The following ZZZ3 variants were observed in gnomAD, a reference collection of about 807,000 sequenced individuals.
ZZZ3 encodes ZZ-type zinc finger-containing protein 3.
A neutral mutation model predicts 95.2 loss-of-function variants in ZZZ3; 22 were observed. The ratio of observed to expected loss-of-function variants is 0.23; its 90% CI spans 0.17 to 0.33. ZZZ3 has a LOEUF of 0.33. Among genes scored for constraint, ZZZ3 ranks in the 10% least tolerant of loss-of-function variants. The pLI is 1.00. For synonymous variants in ZZZ3, 335 were observed against 358.9 expected (o/e 0.93, Z 0.75); for missense variants, 885 against 1,066.5 (o/e 0.83, Z 2.37).
intron 4 of ZZZ3, among the ~76,000 whole-genome samples, chr1:77,639,111 T>TCAGA (rs759188352): frequency 4.6e-5 from 7 of 151,764 alleles, no homozygotes; most frequent in Admixed American, 2.6e-4. Flanking sequence ...AAGCGGACAG[T>TCAGA]CAGACAGACA....
intron 1 of ZZZ3, among the ~76,000 whole-genome samples, chr1:77,647,546 A>G (rs1046024558): frequency 5.9e-5 from 9 of 152,108 alleles, no homozygotes; most frequent in Non-Finnish European, 1.2e-4. Flanking sequence ...AAAATACCCA[A>G]TAGATATAAA....
At chr1:77,584,949 G>A (rs935697749) in intron 5 of ZZZ3, 6 of 194,374 alleles carry the variant, frequency 3.1e-5, no homozygotes, top group East Asian at 2.4e-4. Flanking sequence ...AATCAAAGTC[G>A]TTAAGAAACT....
chr1:77,585,838 A>G (rs1663031230), intron 5 of ZZZ3, among the ~76,000 whole-genome samples: 1 of 152,242 alleles, frequency 6.6e-6, no homozygotes, highest in African/African-American at 2.4e-5. Context: ...TCATGGCAAC[A>G]TGATGTTCTC....
At chr1:77,589,718 C>G (rs114957875) in intron 5 of ZZZ3, among the ~76,000 whole-genome samples, 1 of 151,910 alleles carries the variant, frequency 6.6e-6, no homozygotes, top group Non-Finnish European at 1.5e-5. Flanking sequence ...CCACAGCCTC[C>G]GAAAGTGCTA....
intron 1 of ZZZ3, among the ~76,000 whole-genome samples, chr1:77,679,740 C>T (rs934964671): frequency 2.0e-5 from 3 of 152,186 alleles, no homozygotes; most frequent in South Asian, 4.1e-4. Context: ...TTTATATGAC[C>T]GTAATAATTG....
chr1:77,638,986 A>G (rs1668532293), intron 4 of ZZZ3, among the ~76,000 whole-genome samples: 1 of 152,178 alleles, frequency 6.6e-6, no homozygotes. Flanking sequence ...GAAGTCTGGG[A>G]ACTCTATTAT....
intron 1 of ZZZ3, among the ~76,000 whole-genome samples, chr1:77,676,824 A>C (rs969173459): frequency 3.9e-5 from 6 of 152,314 alleles, no homozygotes; most frequent in African/African-American, 1.4e-4. Flanking sequence ...AAAATGAGAA[A>C]AATTAAAAAA....
chr1:77,582,246 T>G, intron 6 of ZZZ3, 120 bp from the exon 7 acceptor site: 1 of 789,080 alleles, frequency 1.3e-6, no homozygotes, highest in South Asian at 2.5e-5. Context: ...GGCATTTCTA[T>G]TCATGTTTAA....
At chr1:77,588,466 T>C (rs1226418829) in intron 5 of ZZZ3, among the ~76,000 whole-genome samples, 4 of 150,018 alleles carry the variant, frequency 2.7e-5, no homozygotes, top group Admixed American at 6.6e-5. Flanking sequence ...AAAAAAAAAA[T>C]AGACTTGTTT....
intron 5 of ZZZ3, among the ~76,000 whole-genome samples, chr1:77,592,930 C>CCAT (rs1384347105): frequency 1.7e-4 from 26 of 152,242 alleles, no homozygotes; most frequent in African/African-American, 5.8e-4. Flanking sequence ...AGGTAAAGAT[C>CCAT]CACAAGAAGA....
chr1:77,632,483 T>C lies in ZZZ3; in HGVS notation c.872A>G (p.His291Arg), dbSNP rs1332214967. 3.7e-6 allele frequency: 6 copies of C among 1,614,088 alleles called. No homozygotes were observed. In the African/African-American group the frequency reaches 4.0e-5, roughly 11 times the overall value. The change falls in exon 5 of 15, where the codon CAT (histidine) becomes CGT (arginine). Residue 291 changes from histidine (H) to arginine (R), a missense_variant. By Grantham distance (29) the His-to-Arg change is conservative. This residue lies in a region of ZZZ3 where 556 missense variants were observed against 652.9 expected (regional missense o/e 0.85). Transcript: ENST00000370801. ...TGGCTCAGTAGTCAGCTGATTAACA[T>C]GTTCCACAGGCAAGCAGGCAGTTAC... ...KIVTACLPVEHVNQLTTEPAT... is the reference protein window; with the variant it reads ...KIVTACLPVERVNQLTTEPAT...
chr1:77,682,314 A>C (rs746488433), intron 1 of ZZZ3, among the ~76,000 whole-genome samples: 2 of 152,214 alleles, frequency 1.3e-5, no homozygotes, highest in African/African-American at 4.8e-5. Flanking sequence ...AAGTAAGAGG[A>C]ACGGTATCCA....
intron 1 of ZZZ3, among the ~76,000 whole-genome samples, chr1:77,659,016 C>T (rs924464666): frequency 6.6e-6 from 1 of 151,938 alleles, no homozygotes; most frequent in Admixed American, 6.6e-5. Context: ...GTCAGGAGTT[C>T]GAGACCAGCC....
chr1:77,679,243 T>C (rs1000802738), intron 1 of ZZZ3, among the ~76,000 whole-genome samples: 1 of 152,108 alleles, frequency 6.6e-6, no homozygotes, highest in Admixed American at 6.5e-5. Flanking sequence ...AAAATGAAAC[T>C]CTTCTAGCAA....
intron 1 of ZZZ3, among the ~76,000 whole-genome samples, chr1:77,669,674 T>A (rs1570662094): frequency 6.6e-6 from 1 of 151,978 alleles, no homozygotes; most frequent in South Asian, 2.1e-4. Flanking sequence ...GCCAGGCTGG[T>A]CTTGAACTCC....
chr1:77,681,598 G>C (rs1009677739), intron 1 of ZZZ3, among the ~76,000 whole-genome samples: 1 of 152,152 alleles, frequency 6.6e-6, no homozygotes, highest in Non-Finnish European at 1.5e-5. Context: ...AAGTTGACCT[G>C]AGGCCGGGCG....
intron 1 of ZZZ3, among the ~76,000 whole-genome samples, chr1:77,679,394 C>T (rs1246773229): frequency 2.6e-5 from 4 of 152,182 alleles, no homozygotes; most frequent in African/African-American, 9.6e-5. Context: ...CAGTCTCAAC[C>T]TTCTGGGTTC....
chr1:77,632,614 G>A lies in ZZZ3; in HGVS notation c.741C>T (p.Thr247=), dbSNP rs376009427. The A allele has an allele frequency of 2.0e-5, 33 of 1,613,938 alleles. No individual in the cohort carries two copies. In the South Asian group the frequency reaches 3.2e-4, roughly 16 times the overall value. Residue 247 remains threonine (T), a synonymous_variant, in exon 5 of 15, where the codon ACC becomes ACT. Transcript: ENST00000370801. ...TACTATCAAGGAACATTGAAGTTTGGGTATCCGTATCCCCATTTTCAGCTA... is the reference window on the plus strand; with the variant it reads ...TACTATCAAGGAACATTGAAGTTTGAGTATCCGTATCCCCATTTTCAGCTA... The part of the protein sequence containing the change: ...KSVAENGDTD[T]QTSMFLDSRK...
chr1:77,585,618 G>C (rs953558166), intron 5 of ZZZ3, among the ~76,000 whole-genome samples: 19 of 152,022 alleles, frequency 1.2e-4, no homozygotes, highest in Non-Finnish European at 8.8e-5. Context: ...CTTTCATTTT[G>C]TTTCCTACTA....
Sources: gnomAD v4.1 joint callset for allele counts (sites outside exome capture counted in the v4.1 genomes callset) on GRCh38, gnomAD v4.1.1 for gene constraint, gnomAD v4.1.1 regional missense constraint, MANE v1.5 for transcripts, NCBI Gene and HGNC (gene_info 2026-07-23, HGNC 2026-07-21) for gene names.